The following JAKMIP1 variants were observed in gnomAD, a reference collection of about 807,000 sequenced individuals.
JAKMIP1 encodes janus kinase and microtubule interacting protein 1.
A neutral mutation model predicts 113.0 loss-of-function variants in JAKMIP1; 33 were observed. That is an observed-to-expected ratio of 0.29 (90% CI 0.22 to 0.39). The LOEUF (loss-of-function observed/expected upper bound fraction) is 0.39, where lower values mean the gene tolerates loss of function less well. Among genes scored for constraint, JAKMIP1 ranks in the 10% least tolerant of loss-of-function variants. JAKMIP1 has a pLI of 1.00. For synonymous variants in JAKMIP1, 480 were observed against 459.9 expected (o/e 1.04, Z -0.56); for missense variants, 813 against 1,080.5 (o/e 0.75, Z 3.47).
chr4:6,179,065 C>T lies in JAKMIP1; in HGVS notation c.-148+21188G>A, dbSNP rs1188092147. Among the ~76,000 whole-genome samples, 1 of 152,180 alleles carries T rather than the reference C, an allele frequency of 6.6e-6. No homozygotes were observed. Among genetic ancestry groups the T allele is most frequent in the Non-Finnish European group, 1.5e-5 (1 of 68,038 alleles). The stretch of plus-strand genomic sequence containing the variant: ...GAAAAAATAAAACTGGGCTATATGT[C>T]CAGAGAGTGGTTGGGGAAAGACTAG... On this transcript the variant is annotated intron_variant, in intron 1 of 20. Transcript: ENST00000409021. The surrounding 1 kb of genome is among the most constrained non-coding windows in gnomAD (Gnocchi z 4.5).
chr4:6,149,962 C>T (rs1721365587), intron 1 of JAKMIP1, among the ~76,000 whole-genome samples: 1 of 152,208 alleles, frequency 6.6e-6, no homozygotes, highest in South Asian at 2.1e-4. Flanking sequence ...GCACCTTCCA[C>T]TGCCCCTGCT....
intron 3 of JAKMIP1, among the ~76,000 whole-genome samples, chr4:6,087,825 C>T (rs1721511833): frequency 6.6e-6 from 1 of 152,098 alleles, no homozygotes. Context: ...TATCCTGGCC[C>T]CTGCAATGGG....
At position 6,064,061 on chromosome 4, in the gene JAKMIP1, A is replaced by C. The variant is rs368705084; in HGVS notation, c.1431+819T>G. Among the ~76,000 whole-genome samples the C allele has an allele frequency of 6.6e-5, 10 of 152,354 alleles. No homozygotes were observed. In the South Asian group the frequency reaches 1.9e-3, roughly 28 times the overall value. On this transcript the variant is annotated intron_variant, in intron 9 of 20. Transcript: ENST00000409021. The surrounding 1 kb of genome is among the most constrained non-coding windows in gnomAD (Gnocchi z 4.3). ...TTCCCTGGGCTCAGAAAAAGCCACC[A>C]GGGGCCTGCATGGGAAGAGGCAGAA...
chr4:6,049,027 TA>T lies in JAKMIP1; in HGVS notation c.1963-106del. On this transcript the variant is annotated intron_variant, in intron 15 of 20. Coordinates refer to ENST00000409021, the MANE Select transcript of JAKMIP1 (RefSeq NM_001099433.2). The surrounding 1 kb of genome is among the most constrained non-coding windows in gnomAD (Gnocchi z 7.0). ...TTTTTTTCGTTGTTGTTGTTTGTTT[TA>T]TTATGTTTGTTTGTTTTGAGACGGA... 1.2e-6 allele frequency: 1 copy of T among 854,466 alleles called. No homozygotes were observed. The highest frequency in any genetic ancestry group is 1.9e-6 in the Non-Finnish European group (1 of 516,196). 52.9% of individuals were successfully genotyped at this position (854,466 alleles called of 1,614,324 possible). A position where few individuals can be genotyped will look rare whatever the true frequency, so the allele number is the denominator to read the frequency against.
Position 6,049,004 on chromosome 4 carries a change from T to C in JAKMIP1, c.1963-82A>G. The C allele has an allele frequency of 9.8e-7, 1 of 1,018,114 alleles. No homozygotes were observed. The highest frequency in any genetic ancestry group is 1.5e-6 in the Non-Finnish European group (1 of 654,816). The allele number at this position is 1,018,114 out of a possible 1,614,324, so 63.1% of individuals were successfully genotyped here. A position where few individuals can be genotyped will look rare whatever the true frequency, so the allele number is the denominator to read the frequency against. On this transcript the variant is annotated intron_variant, in intron 15 of 20. Transcript: ENST00000409021. The surrounding 1 kb of genome is among the most constrained non-coding windows in gnomAD (Gnocchi z 7.0). ...ACAGTCAGCACCAAGCAAGTTTTTT[T>C]TTTTCGTTGTTGTTGTTTGTTTTAT... is the stretch of plus-strand genomic sequence containing the variant.
chr4:6,105,334 G>C, intron 3 of JAKMIP1, 139 bp downstream of exon 3: 1 of 722,586 alleles, frequency 1.4e-6, no homozygotes, highest in Non-Finnish European at 2.2e-6. Flanking sequence ...CCACACCTAA[G>C]ACGGGAGGGA....
intron 1 of JAKMIP1, among the ~76,000 whole-genome samples, chr4:6,122,396 G>A (rs572954694): frequency 6.6e-6 from 1 of 152,262 alleles, no homozygotes; most frequent in African/African-American, 2.4e-5. Context: ...CTTTGAAAGA[G>A]GTTAGGGTAC....
chr4:6,172,235 G>A (rs116505220), intron 1 of JAKMIP1, among the ~76,000 whole-genome samples: 1 of 152,204 alleles, frequency 6.6e-6, no homozygotes, highest in African/African-American at 2.4e-5. Flanking sequence ...TGCTGCCCGA[G>A]CACTGGCCGA....
intron 1 of JAKMIP1, among the ~76,000 whole-genome samples, chr4:6,126,728 C>G (rs1465343805): frequency 1.3e-5 from 2 of 150,330 alleles, no homozygotes; most frequent in Non-Finnish European, 3.0e-5. Flanking sequence ...GAAACAAATG[C>G]ACACACACAC....
In JAKMIP1 at chr4:6,178,622, T is replaced by C. The variant is rs1487626904; in HGVS notation, c.-148+21631A>G. 6.6e-6 allele frequency among the ~76,000 whole-genome samples: 1 copy of C among 152,216 alleles called. No individual in the cohort carries two copies. The highest frequency in any genetic ancestry group is 1.9e-4 in the East Asian group (1 of 5,194). On this transcript the variant is annotated intron_variant, in intron 1 of 20. Transcript: ENST00000409021. The surrounding 1 kb of genome is among the most constrained non-coding windows in gnomAD (Gnocchi z 5.5). The stretch of plus-strand genomic sequence containing the variant: ...GCCAGGTGAAGAAGGACGTGTTTGC[T>C]TCCCCTAATGCCATGATTGTAAGTT...
At position 6,065,721 on chromosome 4, in the gene JAKMIP1, T is replaced by G. The variant is rs1717966861; in HGVS notation, c.1303-713A>C. Among the ~76,000 whole-genome samples the G allele has an allele frequency of 6.6e-6, 1 of 152,240 alleles. No homozygotes were observed. The highest frequency in any genetic ancestry group is 2.1e-4 in the South Asian group (1 of 4,832). On this transcript the variant is annotated intron_variant, in intron 8 of 20. Transcript: ENST00000409021. The surrounding 1 kb of genome is among the most constrained non-coding windows in gnomAD (Gnocchi z 5.1). ...GATCCAGAGGCAAATTGTAAGGCTC[T>G]ATGTGACGGCCTCTGAGTTGCCCTG... is the stretch of plus-strand genomic sequence containing the variant.
intron 1 of JAKMIP1, among the ~76,000 whole-genome samples, chr4:6,166,314 A>G (rs1448334214): frequency 1.3e-5 from 2 of 152,150 alleles, no homozygotes; most frequent in Admixed American, 1.3e-4. Flanking sequence ...CCCGGCCAGG[A>G]GCCTGCCTGA....
rs987172011 is a variant in JAKMIP1, at chr4:6,093,916, C to T, written c.625-8287G>A. ...TCCAGAGTCCCACCTGCCCAGGAGG[C>T]TGCAAGTTCCCTCTTTTCTGCCACC... is the stretch of plus-strand genomic sequence containing the variant. On this transcript the variant is annotated intron_variant, in intron 3 of 20. Coordinates refer to ENST00000409021, the MANE Select transcript of JAKMIP1 (RefSeq NM_001099433.2). This position sits in a 1 kb window ranked among gnomAD's most constrained non-coding sequence, Gnocchi z 4.6. 2.0e-5 allele frequency among the ~76,000 whole-genome samples: 3 copies of T among 152,076 alleles called. No homozygotes were observed. Among genetic ancestry groups the T allele is most frequent in the Non-Finnish European group, 2.9e-5 (2 of 68,014 alleles).
At position 6,192,247 on chromosome 4, in the gene JAKMIP1, A is replaced by C; in HGVS notation, c.-148+8006T>G. Among the ~76,000 whole-genome samples the C allele has an allele frequency of 6.6e-6, 1 of 151,680 alleles. No individual in the cohort carries two copies. The highest frequency in any genetic ancestry group is 1.9e-4 in the East Asian group (1 of 5,158). On this transcript the variant is annotated intron_variant, in intron 1 of 20. Coordinates refer to ENST00000409021, the MANE Select transcript of JAKMIP1 (RefSeq NM_001099433.2). The surrounding 1 kb of genome is among the most constrained non-coding windows in gnomAD (Gnocchi z 5.0). Reference sequence around the variant, plus strand: ...CGCGCCTGGCCAGGGTGTATTTTTCACTCACAGTCCATCTCAGTCCACAGG... The same window carrying C: ...CGCGCCTGGCCAGGGTGTATTTTTCCCTCACAGTCCATCTCAGTCCACAGG...
intron 1 of JAKMIP1, among the ~76,000 whole-genome samples, chr4:6,172,470 T>A (rs1273060817): frequency 6.6e-6 from 1 of 152,136 alleles, no homozygotes; most frequent in Admixed American, 6.5e-5. Flanking sequence ...CCTGGGTTTC[T>A]TCCAGTTACC....
chr4:6,049,702 A>G lies in JAKMIP1; in HGVS notation c.1962+117T>C, dbSNP rs1715424371. The G allele has an allele frequency of 2.6e-6, 2 of 778,368 alleles. No homozygotes were observed. Among genetic ancestry groups the G allele is most frequent in the Non-Finnish European group, 4.3e-6 (2 of 464,368 alleles). The allele number at this position is 778,368 out of a possible 1,614,324, so 48.2% of individuals were successfully genotyped here. ...CGGCCATACAAAAGCCTTACATTGT[A>G]CTTCTTAGATCTCTTACATCAGAGA... is the stretch of plus-strand genomic sequence containing the variant. On this transcript the variant is annotated intron_variant, in intron 15 of 20. Coordinates refer to ENST00000409021, the MANE Select transcript of JAKMIP1 (RefSeq NM_001099433.2). The surrounding 1 kb of genome is among the most constrained non-coding windows in gnomAD (Gnocchi z 7.0).
chr4:6,092,384 C>T (rs1722178024), intron 3 of JAKMIP1, among the ~76,000 whole-genome samples: 1 of 152,210 alleles, frequency 6.6e-6, no homozygotes, highest in African/African-American at 2.4e-5. Context: ...TGCCAATGGG[C>T]TTGTGTACCG....
Position 6,080,585 on chromosome 4 carries a change from G to T in JAKMIP1, c.1102-273C>A, listed in dbSNP as rs1720361099. On this transcript the variant is annotated intron_variant, in intron 6 of 20. Transcript: ENST00000409021. This position sits in a 1 kb window ranked among gnomAD's most constrained non-coding sequence, Gnocchi z 6.0. ...ATACTATTCTCGTGGTTGTGAATAA[G>T]TCTCTGATGTTTTTATAAGGGTTTT... Among the ~76,000 whole-genome samples, 1 of 152,142 alleles carries T rather than the reference G, an allele frequency of 6.6e-6. No individual in the cohort carries two copies. The highest frequency in any genetic ancestry group is 1.5e-5 in the Non-Finnish European group (1 of 68,024).
At position 6,097,728 on chromosome 4, in the gene JAKMIP1, G is replaced by A. The variant is rs369460083; in HGVS notation, c.624+7745C>T. Among the ~76,000 whole-genome samples the A allele has an allele frequency of 5.3e-5, 8 of 152,154 alleles. No homozygotes were observed. Among genetic ancestry groups the A allele is most frequent in the Admixed American group, 2.0e-4 (3 of 15,272 alleles). ...TGCAACAAAAAATGCAATAAGAAGC[G>A]TTCATTCTCATCATCATTTGACAAA... On this transcript the variant is annotated intron_variant, in intron 3 of 20. Coordinates refer to ENST00000409021, the MANE Select transcript of JAKMIP1 (RefSeq NM_001099433.2). This position sits in a 1 kb window ranked among gnomAD's most constrained non-coding sequence, Gnocchi z 4.3.
Sources: allele counts gnomAD v4.1 joint callset (sites outside exome capture counted in the v4.1 genomes callset), GRCh38; gene constraint gnomAD v4.1.1; non-coding constraint Gnocchi (gnomAD v3.1); transcripts MANE v1.5; gene names NCBI Gene and HGNC (gene_info 2026-07-23, HGNC 2026-07-21).